Variants in KLHL22 observed in about 807,000 individuals in gnomAD.
The protein encoded by KLHL22 is kelch like family member 22, also known as kelch-like protein 22.
Under a neutral mutation model 60.7 loss-of-function variants are expected in KLHL22, and 18 were observed. That is an observed-to-expected ratio of 0.30 (90% CI 0.20 to 0.44). The LOEUF is 0.44. Ranked by LOEUF, KLHL22 falls within the 20% of genes least tolerant of loss-of-function variation. KLHL22 has a pLI of 1.00. For synonymous variants in KLHL22, 355 were observed against 354.5 expected, an observed-to-expected ratio of 1.00 and a Z score of -0.01; for missense variants, 596 against 852.3, an observed-to-expected ratio of 0.70 and a Z score of 3.74.
chr22:20,472,617 T>C (rs961044596), intron 2 of KLHL22, among the ~76,000 whole-genome samples: 2 of 151,998 alleles, frequency 1.3e-5, no homozygotes, highest in African/African-American at 4.8e-5. Context: ...TCCCAGCTAC[T>C]CAGGAGGCTG....
In KLHL22 at chr22:20,471,482, T is replaced by A; in HGVS notation, c.261A>T (p.Glu87Asp). The A allele has an allele frequency of 6.2e-7, 1 of 1,613,988 alleles. No homozygotes were observed. The highest frequency in any genetic ancestry group is 8.5e-7 in the Non-Finnish European group (1 of 1,179,918). ...CACCGTGGATCAGGACCTCTTCCTG[T>A]TCCATCTCCTTCAATCCCCCAGCAA... is the stretch of plus-strand genomic sequence containing the variant. ...GMFAGGLKEM[E>D]QEEVLIHGVS... The change falls in exon 3 of 7, where the codon GAA (glutamate) becomes GAT (aspartate). Residue 87 changes from glutamate (E) to aspartate (D), a missense_variant. Transcript: ENST00000328879.
chr22:20,489,686 C>T (rs2053650874), intron 1 of KLHL22: 1 of 471,220 alleles, frequency 2.1e-6, no homozygotes, highest in African/African-American at 2.0e-5. Context: ...ACACCAGGTT[C>T]TCAAGAGCTC....
chr22:20,453,550 T>C (rs1277299541), intron 5 of KLHL22, among the ~76,000 whole-genome samples: 1 of 152,208 alleles, frequency 6.6e-6, no homozygotes, highest in Non-Finnish European at 1.5e-5. Context: ...CCTTGATTAC[T>C]GTAGCTATGT....
chr22:20,486,683 CTTT>C (rs60166792), intron 2 of KLHL22, among the ~76,000 whole-genome samples: 9 of 140,786 alleles, frequency 6.4e-5, no homozygotes, highest in Non-Finnish European at 4.7e-5. Context: ...TATTTCTTTT[CTTT>C]TTTTTTTTTT....
intron 6 of KLHL22, 66 bp from the exon 7 acceptor site, chr22:20,442,504 GC>G: frequency 6.7e-7 from 1 of 1,499,836 alleles, no homozygotes. Context: ...TCCCCCACAA[GC>G]CCACTGACCA....
intron 5 of KLHL22, chr22:20,451,026 C>A: frequency 6.6e-7 from 1 of 1,515,344 alleles, no homozygotes; most frequent in South Asian, 1.1e-5. Context: ...AGAAATATGA[C>A]CCCAAGACTC....
intron 4 of KLHL22, among the ~76,000 whole-genome samples, chr22:20,463,936 T>C (rs1230797493): frequency 1.3e-5 from 2 of 151,958 alleles, no homozygotes; most frequent in African/African-American, 4.8e-5. Flanking sequence ...AATAGAAACA[T>C]GAACATGAAC....
chr22:20,450,925 G>A, intron 5 of KLHL22: 2 of 1,612,498 alleles, frequency 1.2e-6, no homozygotes, highest in Admixed American at 1.7e-5. Context: ...TCAGATGCAG[G>A]GACCCAGGAC....
intron 2 of KLHL22, chr22:20,483,090 C>T: frequency 1.5e-6 from 1 of 655,012 alleles, no homozygotes. Flanking sequence ...AGCAGGATCC[C>T]ATTGAGCTGC....
rs1359396659 is a variant in KLHL22, at chr22:20,442,456, G to A, written c.1540-18C>T. 6.4e-7 allele frequency: 1 copy of A among 1,567,088 alleles called. No individual in the cohort carries two copies. The highest frequency in any genetic ancestry group is 1.4e-5 in the African/African-American group (1 of 73,898). ...CAGGCCACCTGCAAAGCCAAGGCTAGAATAAAGCCCAGCACCCACTGGGAC... is the reference window on the plus strand; with the variant it reads ...CAGGCCACCTGCAAAGCCAAGGCTAAAATAAAGCCCAGCACCCACTGGGAC... On this transcript the variant is annotated intron_variant, in intron 6 of 6. Transcript: ENST00000328879.
chr22:20,466,779 G>A (rs935742624), intron 3 of KLHL22, among the ~76,000 whole-genome samples: 4 of 152,168 alleles, frequency 2.6e-5, no homozygotes, highest in Non-Finnish European at 5.9e-5. Context: ...CCTGACTCAG[G>A]GTTCTTGAGG....
chr22:20,464,847 C>A lies in KLHL22; in HGVS notation c.1112+11G>T, dbSNP rs778598178. The stretch of plus-strand genomic sequence containing the variant: ...CTGAAGACAAAGGGACCAGCTAGCA[C>A]CCTGTCCTACCTCCAGCATCGGGAC... On this transcript the variant is annotated intron_variant, in intron 4 of 6. Transcript: ENST00000328879. 1.6e-5 allele frequency: 24 copies of A among 1,491,008 alleles called. No homozygotes were observed. In the South Asian group the frequency reaches 3.0e-4, roughly 19 times the overall value. The allele number at this position is 1,491,008 out of a possible 1,614,324, so 92.4% of individuals were successfully genotyped here.
Position 20,465,390 on chromosome 22 carries a change from C to T in KLHL22, c.580G>A (p.Glu194Lys). The T allele has an allele frequency of 3.1e-6, 5 of 1,614,154 alleles. No individual in the cohort carries two copies. Among genetic ancestry groups the T allele is most frequent in the Non-Finnish European group, 4.2e-6 (5 of 1,180,020 alleles). The change falls in exon 4 of 7, where the codon GAG becomes AAG. Residue 194 changes from glutamate to lysine, a missense_variant. By Grantham distance (56) the Glu-to-Lys change is moderately conservative. Transcript: ENST00000328879. This position sits in a 1 kb window ranked among gnomAD's most constrained non-coding sequence, Gnocchi z 4.9. ...RTDKYRQLPL[E>K]KVYSLLSSNR... ...CTGCTGAGGAGGGAGTAGACCTTCT[C>T]CAATGGAAGCTGGCGGTACTTGTCA...
At chr22:20,470,773 T>C (rs4820097) in intron 3 of KLHL22, among the ~76,000 whole-genome samples, 62,079 of 146,450 alleles carry the variant, frequency 0.42, 13,666 homozygotes, top group Admixed American at 0.58. Context: ...GATGCATGCA[T>C]GGATGGATGG....
intron 5 of KLHL22, among the ~76,000 whole-genome samples, chr22:20,454,534 A>T (rs913661023): frequency 6.6e-6 from 1 of 152,136 alleles, no homozygotes; most frequent in Non-Finnish European, 1.5e-5. Flanking sequence ...AAGCTATCAC[A>T]CTGAGGGAGG....
chr22:20,485,149 A>T (rs960742095), intron 2 of KLHL22, among the ~76,000 whole-genome samples: 2 of 152,194 alleles, frequency 1.3e-5, no homozygotes. Flanking sequence ...TATAATTCAC[A>T]GATGGAATGA....
intron 3 of KLHL22, among the ~76,000 whole-genome samples, chr22:20,469,149 A>G (rs1055247589): frequency 6.6e-6 from 1 of 152,182 alleles, no homozygotes; most frequent in African/African-American, 2.4e-5. Flanking sequence ...GTGTGTGATC[A>G]CTGCAGGGAG....
chr22:20,449,607 G>A (rs2052941217), intron 5 of KLHL22, among the ~76,000 whole-genome samples: 1 of 151,646 alleles, frequency 6.6e-6, no homozygotes, highest in African/African-American at 2.4e-5. Context: ...CACCATGTTG[G>A]CCAGGCTGGT....
At chr22:20,449,224 C>G (rs1373943493) in intron 5 of KLHL22, among the ~76,000 whole-genome samples, 1 of 151,792 alleles carries the variant, frequency 6.6e-6, no homozygotes, top group Non-Finnish European at 1.5e-5. Context: ...CCACATCCAG[C>G]TAATTTTTTG....
Sources: allele counts gnomAD v4.1 joint callset (sites outside exome capture counted in the v4.1 genomes callset), GRCh38; gene constraint gnomAD v4.1.1; non-coding constraint Gnocchi (gnomAD v3.1); transcripts MANE v1.5; gene names NCBI Gene and HGNC (gene_info 2026-07-23, HGNC 2026-07-21).